CDH18: variants seen among roughly 807,000 people sequenced by gnomAD.
The protein encoded by CDH18 is cadherin 18, also known as cadherin-18.
In CDH18, 31 loss-of-function variants were observed where a neutral mutation model predicts 67.9. That is an observed-to-expected ratio of 0.46 (90% CI 0.34 to 0.62). The LOEUF (loss-of-function observed/expected upper bound fraction) is 0.62, where lower values mean the gene tolerates loss of function less well. Among genes scored for constraint, CDH18 ranks in the 20% least tolerant of loss-of-function variants. The pLI, the probability that CDH18 is intolerant of heterozygous loss-of-function variation, is 0.01. For missense variants in CDH18, 890 were observed against 975.5 expected (o/e 0.91, Z 1.17); for synonymous variants, 362 against 347.2 (o/e 1.04, Z -0.48).
chr5:19,565,706 T>C (rs1740265599), intron 8 of CDH18, among the ~76,000 whole-genome samples: 1 of 152,188 alleles, frequency 6.6e-6, no homozygotes, highest in Admixed American at 6.5e-5. Context: ...TCTCTAGCTA[T>C]ATGCAAAAAT....
chr5:19,618,506 T>C (rs1230676100), intron 5 of CDH18, among the ~76,000 whole-genome samples: 1 of 152,118 alleles, frequency 6.6e-6, no homozygotes, highest in African/African-American at 2.4e-5. Flanking sequence ...GTGCCTGGCC[T>C]ACTTTTGGTT....
chr5:19,549,093 C>G (rs1490249479), intron 8 of CDH18, among the ~76,000 whole-genome samples: 1 of 152,078 alleles, frequency 6.6e-6, no homozygotes, highest in Admixed American at 6.6e-5. Context: ...GGGGATAATA[C>G]TGTTTGAATG....
rs200256605 is a variant in CDH18 at position 20,453,615 on chromosome 5, G to GTA, written c.-580+121845_-580+121846dup. On this transcript the variant is annotated intron_variant, in intron 1 of 14. Coordinates refer to the CDH18 transcript ENST00000507958. ...TGTATATGTATATATATGTGTGTGT[G>GTA]TATATATATATGTATATATGTATAA... is the stretch of plus-strand genomic sequence containing the variant. Among the ~76,000 whole-genome samples, 1,210 of 151,410 alleles carry GTA rather than the reference G, an allele frequency of 8.0e-3. 12 individuals are homozygous for GTA. Among genetic ancestry groups the GTA allele is most frequent in the African/African-American group, 0.027 (1,131 of 41,182 alleles).
intron 5 of CDH18, among the ~76,000 whole-genome samples, chr5:19,639,923 G>A (rs969711029): frequency 6.6e-6 from 1 of 152,172 alleles, no homozygotes; most frequent in Non-Finnish European, 1.5e-5. Flanking sequence ...TATCAATGTC[G>A]TTCTCAACAG....
At chr5:20,382,391 T>C (rs546008472) in intron 1 of CDH18, among the ~76,000 whole-genome samples, 1 of 152,254 alleles carries the variant, frequency 6.6e-6, no homozygotes, top group South Asian at 2.1e-4. Flanking sequence ...GGAAGGCTTT[T>C]TGTTTTTTTA....
intron 2 of CDH18, among the ~76,000 whole-genome samples, chr5:20,245,362 A>C (rs1483313864): frequency 1.3e-5 from 2 of 152,122 alleles, no homozygotes; most frequent in Admixed American, 1.3e-4. Flanking sequence ...TATGAAAAAC[A>C]ATGTATTTAT....
At chr5:20,382,691 CG>C (rs1247030196) in intron 1 of CDH18, among the ~76,000 whole-genome samples, 1 of 152,082 alleles carries the variant, frequency 6.6e-6, no homozygotes, top group Non-Finnish European at 1.5e-5. Flanking sequence ...AAGCAATAAA[CG>C]TGATGTCCCT....
Position 20,445,808 on chromosome 5 carries a change from T to C in CDH18, c.-580+129654A>G, listed in dbSNP as rs1386468927. Among the ~76,000 whole-genome samples the C allele has an allele frequency of 4.6e-5, 7 of 152,178 alleles. No homozygotes were observed. In the East Asian group the frequency reaches 1.2e-3, roughly 25 times the overall value. On this transcript the variant is annotated intron_variant, in intron 1 of 14. Transcript: ENST00000507958. The stretch of plus-strand genomic sequence containing the variant: ...CCAACAATCTCAGTTCTTGTGATGG[T>C]AAGCAAAGTATTGCAGACTAACACC...
intron 1 of CDH18, among the ~76,000 whole-genome samples, chr5:20,328,110 AG>A (rs1280326172): frequency 2.6e-5 from 4 of 152,134 alleles, no homozygotes; most frequent in African/African-American, 9.6e-5. Flanking sequence ...AGGCATAATG[AG>A]GGAGGAAGGA....
chr5:20,502,127 G>C (rs1754371194), intron 1 of CDH18, among the ~76,000 whole-genome samples: 1 of 152,056 alleles, frequency 6.6e-6, no homozygotes, highest in South Asian at 2.1e-4. Flanking sequence ...CTTTAGATTA[G>C]ATTGCTTATC....
intron 1 of CDH18, among the ~76,000 whole-genome samples, chr5:20,492,176 T>C (rs1265940049): frequency 2.0e-5 from 3 of 151,736 alleles, no homozygotes; most frequent in Admixed American, 1.3e-4. Context: ...AGTAGTAACA[T>C]TGATTTTTTT....
chr5:20,104,719 G>A (rs1172991832), intron 2 of CDH18, among the ~76,000 whole-genome samples: 1 of 151,702 alleles, frequency 6.6e-6, no homozygotes, highest in East Asian at 1.9e-4. Context: ...CTTGCCAGGT[G>A]TCTGAATGGT....
intron 1 of CDH18, among the ~76,000 whole-genome samples, chr5:20,472,054 G>A (rs982782): frequency 0.95 from 143,190 of 151,204 alleles, 67,632 homozygotes; most frequent in South Asian, 0.98. Flanking sequence ...TGAACAAACC[G>A]TCTTTAATAT....
intron 3 of CDH18, among the ~76,000 whole-genome samples, chr5:19,774,363 T>C (rs576648261): frequency 6.8e-4 from 103 of 150,800 alleles, no homozygotes; most frequent in African/African-American, 2.4e-3. Flanking sequence ...GAAGTGAGCA[T>C]AACCGTGCCA....
chr5:20,479,778 C>T (rs1210090288), intron 1 of CDH18, among the ~76,000 whole-genome samples: 1 of 151,894 alleles, frequency 6.6e-6, no homozygotes, highest in Admixed American at 6.6e-5. Context: ...TATCAATATT[C>T]AAGTATAGGA....
intron 12 of CDH18, among the ~76,000 whole-genome samples, chr5:19,479,571 T>A (rs1739049779): frequency 2.0e-5 from 3 of 152,184 alleles, no homozygotes; most frequent in African/African-American, 7.2e-5. Flanking sequence ...AGTTGAAACT[T>A]AAATATGCTT....
intron 1 of CDH18, among the ~76,000 whole-genome samples, chr5:20,509,990 A>C (rs1262758523): frequency 6.6e-6 from 1 of 152,150 alleles, no homozygotes; most frequent in Non-Finnish European, 1.5e-5. Flanking sequence ...TGGCTGTACA[A>C]GTTTTCATCA....
intron 2 of CDH18, among the ~76,000 whole-genome samples, chr5:20,009,711 T>G (rs1737234027): frequency 6.6e-6 from 1 of 152,102 alleles, no homozygotes; most frequent in South Asian, 2.1e-4. Flanking sequence ...ACTTAAATAT[T>G]TAATGGAATC....
chr5:19,868,471 C>T (rs17222830), intron 2 of CDH18, among the ~76,000 whole-genome samples: 45,600 of 152,016 alleles, frequency 0.3, 7,912 homozygotes, highest in South Asian at 0.39. Flanking sequence ...ACGAAACATA[C>T]GCTTAAAATT....
Sources: allele counts gnomAD v4.1 joint callset (sites outside exome capture counted in the v4.1 genomes callset), GRCh38; gene constraint gnomAD v4.1.1; transcripts MANE v1.5; gene names NCBI Gene and HGNC (gene_info 2026-07-23, HGNC 2026-07-21).